NBAS: variants seen among roughly 807,000 people sequenced by gnomAD.
NBAS encodes the protein NBAS subunit of NRZ tethering complex.
A neutral mutation model predicts 302.5 loss-of-function variants in NBAS; 219 were observed. The observed-to-expected ratio is 0.72, with a 90% CI of 0.65 to 0.81. The LOEUF (loss-of-function observed/expected upper bound fraction) is 0.81, where lower values mean the gene tolerates loss of function less well. Among genes scored for constraint, NBAS ranks in the 30% least tolerant of loss-of-function variants. NBAS has a pLI of 0.00. For synonymous variants in NBAS, 1,118 were observed against 1,021.6 expected (o/e 1.09, Z -1.80); for missense variants, 2,932 against 2,841.6 (o/e 1.03, Z -0.72).
chr2:15,533,797 A>G (rs1421596622), intron 9 of NBAS, among the ~76,000 whole-genome samples: 3 of 152,232 alleles, frequency 2.0e-5, no homozygotes, highest in East Asian at 3.9e-4. Context: ...AATAGAATAC[A>G]AACCTGCATA....
chr2:14,930,748 T>A, the NBAS span, among the ~76,000 whole-genome samples: 1 of 152,198 alleles, frequency 6.6e-6, no homozygotes, highest in South Asian at 2.1e-4. Flanking sequence ...ACAAACAGAC[T>A]CTAAAGGACA....
chr2:15,553,814 C>T (rs1355690898), intron 4 of NBAS, among the ~76,000 whole-genome samples: 21 of 143,034 alleles, frequency 1.5e-4, no homozygotes, highest in Non-Finnish European at 3.2e-4. Context: ...CCCTCCCTCC[C>T]TCTCTCCCTC....
rs190034887 is a variant in NBAS, at chr2:15,412,944, C to T, written c.2937+2602G>A. Among the ~76,000 whole-genome samples, 27 of 152,304 alleles carry T rather than the reference C, an allele frequency of 1.8e-4. No individual in the cohort carries two copies. The East Asian group carries it at 5.0e-3, about 28-fold the overall frequency. On this transcript the variant is annotated intron_variant, in intron 25 of 51. Transcript: ENST00000281513. The stretch of plus-strand genomic sequence containing the variant: ...CAAGCCCAATCCAAAACTACAAGAG[C>T]CTAACCGTAACTCCAAGATTACAAA...
At chr2:15,163,420 G>C (rs149331993), downstream of NBAS, among the ~76,000 whole-genome samples, 47 of 152,336 alleles carry the variant, frequency 3.1e-4, 1 homozygote, top group Admixed American at 1.7e-3. Context: ...CTGCTCTCCT[G>C]ACTGGCTCTG....
the NBAS span, among the ~76,000 whole-genome samples, chr2:14,969,398 T>C: frequency 6.6e-6 from 1 of 152,068 alleles, no homozygotes; most frequent in Non-Finnish European, 1.5e-5. Context: ...ATTTTTGAGA[T>C]GGAGTCTCAT....
chr2:15,075,470 T>G, the NBAS span, among the ~76,000 whole-genome samples: 1 of 152,338 alleles, frequency 6.6e-6, no homozygotes, highest in South Asian at 2.1e-4. Flanking sequence ...GGCTGTCTCA[T>G]GCTGGCTGTG....
intron 40 of NBAS, among the ~76,000 whole-genome samples, chr2:15,300,044 G>A (rs183769789): frequency 5.3e-5 from 8 of 152,302 alleles, no homozygotes; most frequent in Non-Finnish European, 7.4e-5. Flanking sequence ...GCAGGCGAGG[G>A]AGGCAGCTCC....
intron 38 of NBAS, among the ~76,000 whole-genome samples, chr2:15,311,657 GTTATC>G (rs1289788983): frequency 1.3e-5 from 2 of 152,276 alleles, no homozygotes; most frequent in East Asian, 3.9e-4. Context: ...ACAAACCTCT[GTTATC>G]TTATTTCCTG....
At chr2:15,065,126 A>G in the NBAS span, among the ~76,000 whole-genome samples, 77,091 of 151,944 alleles carry the variant, frequency 0.51, 21,810 homozygotes, top group Non-Finnish European at 0.62. Flanking sequence ...TATGTTAATT[A>G]GTACAAATAT....
intron 51 of NBAS, among the ~76,000 whole-genome samples, chr2:15,172,144 C>T (rs1169332168): frequency 6.6e-6 from 1 of 152,180 alleles, no homozygotes; most frequent in African/African-American, 2.4e-5. Context: ...TGTCACATCA[C>T]GAACTTCTCA....
chr2:14,945,037 C>CTCTA, the NBAS span, among the ~76,000 whole-genome samples: 1 of 152,210 alleles, frequency 6.6e-6, no homozygotes, highest in Non-Finnish European at 1.5e-5. Context: ...TCCCTGGAAA[C>CTCTA]TCTACTGTGT....
At chr2:14,918,293 G>C in the NBAS span, among the ~76,000 whole-genome samples, 1 of 142,736 alleles carries the variant, frequency 7.0e-6, no homozygotes, top group African/African-American at 2.7e-5. Context: ...TCTTGCCCTG[G>C]AGAAGGAAGA....
chr2:15,452,010 A>AG (rs1679039591), intron 21 of NBAS, among the ~76,000 whole-genome samples: 1 of 152,076 alleles, frequency 6.6e-6, no homozygotes, highest in South Asian at 2.1e-4. Flanking sequence ...AAAAAAAAAA[A>AG]AGTCAATAAA....
chr2:15,265,572 C>T (rs1669040146), intron 44 of NBAS, among the ~76,000 whole-genome samples: 1 of 152,108 alleles, frequency 6.6e-6, no homozygotes, highest in African/African-American at 2.4e-5. Flanking sequence ...TTTGGGTTCT[C>T]ACTACAGGAC....
intron 11 of NBAS, among the ~76,000 whole-genome samples, chr2:15,495,814 G>A (rs1558389348): frequency 6.6e-6 from 1 of 152,090 alleles, no homozygotes; most frequent in Non-Finnish European, 1.5e-5. Context: ...TGGAGACAAT[G>A]GAAACACCAT....
the NBAS span, among the ~76,000 whole-genome samples, chr2:14,802,674 T>C: frequency 6.7e-6 from 1 of 149,956 alleles, no homozygotes; most frequent in African/African-American, 2.5e-5. Context: ...ATTAAGAAAA[T>C]GTGGCACATA....
Position 15,167,055 on chromosome 2 carries a change from C to A in NBAS, c.7109G>T (p.Trp2370Leu), listed in dbSNP as rs1664050987. 1 of 1,561,404 alleles carries A rather than the reference C, an allele frequency of 6.4e-7. No homozygotes were observed. The highest frequency in any genetic ancestry group is 1.4e-5 in the African/African-American group (1 of 73,570). ...CAGGGCCACAGGTGGCCCTCACACC[C>A]AGTGCTGTGCTGCGCGGAGGGCTGT... is the stretch of plus-strand genomic sequence containing the variant. ...FSTALRAAQH[W>L]V The change falls in exon 52 of 52, where the codon TGG becomes TTG. Residue 2370 changes from tryptophan to leucine, a missense_variant. By Grantham distance (61) the Trp-to-Leu change is moderately conservative. Coordinates refer to ENST00000281513, the MANE Select transcript of NBAS (RefSeq NM_015909.4).
At chr2:15,033,939 C>T in the NBAS span, among the ~76,000 whole-genome samples, 1 of 140,612 alleles carries the variant, frequency 7.1e-6, no homozygotes, top group Non-Finnish European at 1.5e-5. Flanking sequence ...CAGGGCAAGA[C>T]CTTGTCAAAA....
chr2:15,277,198 C>T, intron 42 of NBAS, 97 bp from the exon 43 acceptor site: 1 of 1,442,794 alleles, frequency 6.9e-7, no homozygotes, highest in South Asian at 1.3e-5. Context: ...TCTTATAGCT[C>T]CCTTCTTCCT....
Sources: gnomAD v4.1 joint callset for allele counts (sites outside exome capture counted in the v4.1 genomes callset) on GRCh38, gnomAD v4.1.1 for gene constraint, MANE v1.5 for transcripts, NCBI Gene and HGNC (gene_info 2026-07-23, HGNC 2026-07-21) for gene names.